TDRD15: variants seen among roughly 807,000 people sequenced by gnomAD.
TDRD15 encodes tudor domain containing 15.
For missense variants in TDRD15, 1,416 were observed against 904.7 expected (o/e 1.57, Z -7.25); for synonymous variants, 503 against 314.5 (o/e 1.60, Z -6.34).
intron 2 of TDRD15, among the ~76,000 whole-genome samples, chr2:21,129,767 A>G: frequency 6.6e-6 from 1 of 152,210 alleles, no homozygotes. Flanking sequence ...ATATTTAAGA[A>G]GCCATTGCCT....
Position 21,142,298 on chromosome 2 carries a change from G to T in TDRD15, c.4831G>T (p.Asp1611Tyr). The change falls in exon 4 of 4, where the codon GAT becomes TAT. Residue 1611 changes from aspartate to tyrosine, a missense_variant. By Grantham distance (160) the Asp-to-Tyr change is radical. Coordinates refer to ENST00000405799, the MANE Select transcript of TDRD15 (RefSeq NM_001306137.2). ...TGATAAAGTACTTGTTTTTTTAGTA[G>T]ATTGTGGTATCTATGAAATAGTACC... The part of the protein sequence containing the change: ...VDDKVLVFLV[D>Y]CGIYEIVPVC... 1 of 688,960 alleles carries T rather than the reference G, an allele frequency of 1.5e-6. No homozygotes were observed. Among genetic ancestry groups the T allele is most frequent in the Admixed American group, 2.4e-5 (1 of 41,638 alleles). 42.7% of individuals were successfully genotyped at this position (688,960 alleles called of 1,614,324 possible).
chr2:21,138,611 G>A lies in TDRD15; in HGVS notation c.1144G>A (p.Val382Met). Reference protein sequence around the residue: ...SIFKQALLGQVVYAHIDWFNK... With the variant: ...SIFKQALLGQMVYAHIDWFNK... ...ATTTAAACAGGCCTTATTAGGACAA[G>A]TGGTATATGCACACATTGATTGGTT... Residue 382 changes from valine to methionine, a missense_variant, in exon 4 of 4, where the codon GTG becomes ATG. Transcript: ENST00000405799. 1.4e-6 allele frequency: 1 copy of A among 713,224 alleles called. No individual in the cohort carries two copies. Among genetic ancestry groups the A allele is most frequent in the South Asian group, 1.5e-5 (1 of 66,810 alleles). 44.2% of individuals were successfully genotyped at this position (713,224 alleles called of 1,614,324 possible).
rs1348723790 is a variant in TDRD15, at chr2:21,141,878, G to A, written c.4411G>A (p.Ala1471Thr). Residue 1471 changes from alanine to threonine, a missense_variant, in exon 4 of 4, where the codon GCA (alanine) becomes ACA (threonine). By Grantham distance (58) the Ala-to-Thr change is moderately conservative. Transcript: ENST00000405799. ...CVINELLKWK[A>T]CSKLQKSALQ... is the part of the protein sequence containing the mutation. ...CATTAATGAACTACTGAAATGGAAAGCATGTTCAAAACTGCAGAAGTCAGC... is the reference window on the plus strand; with the variant it reads ...CATTAATGAACTACTGAAATGGAAAACATGTTCAAAACTGCAGAAGTCAGC... 5 of 715,304 alleles carry A rather than the reference G, an allele frequency of 7.0e-6. No individual in the cohort carries two copies. The East Asian group carries it at 8.1e-5, about 12-fold the overall frequency. The allele number at this position is 715,304 out of a possible 1,614,324, so 44.3% of individuals were successfully genotyped here. A position where few individuals can be genotyped will look rare whatever the true frequency, so the allele number is the denominator to read the frequency against.
At position 21,125,567 on chromosome 2, in the gene TDRD15, T is replaced by C. The variant is rs540202979; in HGVS notation, c.-201+1521T>C. ...CATAAAGAGAGTTAGGGTGTGGAGG[T>C]GTTTTTCCGAAGAAATTTATTTTTG... On this transcript the variant is annotated intron_variant, in intron 1 of 3. Coordinates refer to ENST00000405799, the MANE Select transcript of TDRD15 (RefSeq NM_001306137.2). Among the ~76,000 whole-genome samples the C allele has an allele frequency of 2.7e-4, 41 of 151,920 alleles. 1 individual carries two copies. In the South Asian group the frequency reaches 8.6e-3, roughly 32 times the overall value.
Position 21,138,759 on chromosome 2 carries a change from C to G in TDRD15, c.1292C>G (p.Ser431Cys), listed in dbSNP as rs1039417695. 4.2e-6 allele frequency: 3 copies of G among 715,580 alleles called. No individual in the cohort carries two copies. Among genetic ancestry groups the G allele is most frequent in the Non-Finnish European group, 7.8e-6 (3 of 384,070 alleles). The allele number at this position is 715,580 out of a possible 1,614,324, so 44.3% of individuals were successfully genotyped here. The change falls in exon 4 of 4, where the codon TCC becomes TGC. Residue 431 changes from serine (S) to cysteine (C), a missense_variant. Transcript: ENST00000405799. ...TGTCCGATGTCTGATTCAAAAATCT[C>G]CAATATCTTGAGTGAGACAAGTGTG... Reference protein sequence around the residue: ...VLCPMSDSKISNILSETSVSD... With the variant: ...VLCPMSDSKICNILSETSVSD...
intron 3 of TDRD15, among the ~76,000 whole-genome samples, chr2:21,135,816 T>A (rs1665797049): frequency 6.6e-6 from 1 of 152,002 alleles, no homozygotes; most frequent in South Asian, 2.1e-4. Flanking sequence ...CCTTCTGATG[T>A]GGAATTCCCC....
chr2:21,125,714 C>A (rs1419970830), intron 1 of TDRD15, among the ~76,000 whole-genome samples: 1 of 152,066 alleles, frequency 6.6e-6, no homozygotes, highest in Admixed American at 6.5e-5. Context: ...AGTGAATTAC[C>A]TTTTACCCTC....
Position 21,140,890 on chromosome 2 carries a change from T to G in TDRD15, c.3423T>G (p.Ala1141=), listed in dbSNP as rs1294718415. The change falls in exon 4 of 4, where the codon GCT becomes GCG. Residue 1141 remains alanine, a synonymous_variant. Transcript: ENST00000405799. Reference sequence around the variant, plus strand: ...AGAAAATTAAAGTGTTGCTTCATGCTTATGGAAAAAGACATTGTGACCAAG... The same window carrying G: ...AGAAAATTAAAGTGTTGCTTCATGCGTATGGAAAAAGACATTGTGACCAAG... ...INEKIKVLLH[A]YGKRHCDQAC... The G allele has an allele frequency of 7.1e-6, 5 of 709,086 alleles. No individual in the cohort carries two copies. The highest frequency in any genetic ancestry group is 2.1e-5 in the Admixed American group (1 of 48,294). The allele number at this position is 709,086 out of a possible 1,614,324, so 43.9% of individuals were successfully genotyped here.
rs145331269 is a variant in TDRD15, at chr2:21,124,569, G to C, written c.-201+523G>C. Among the ~76,000 whole-genome samples the C allele has an allele frequency of 5.3e-3, 755 of 142,156 alleles. 6 individuals carry two copies. The highest frequency in any genetic ancestry group is 7.6e-3 in the Non-Finnish European group (498 of 65,638). The allele number at this position is 142,156 out of a possible 152,430, so 93.3% of individuals were successfully genotyped here. A position where few individuals can be genotyped will look rare whatever the true frequency, so the allele number is the denominator to read the frequency against. ...AATGTCAGGTTGTGTGTGTGTGACA[G>C]AGTGATCCTAATGCCAGGGTGTGTG... On this transcript the variant is annotated intron_variant, in intron 1 of 3. Transcript: ENST00000405799.
rs1220530008 is a variant in TDRD15, at chr2:21,137,510, C to A, written c.43C>A (p.Leu15Met). 2.9e-6 allele frequency: 2 copies of A among 679,484 alleles called. No homozygotes were observed. Among genetic ancestry groups the A allele is most frequent in the East Asian group, 2.7e-5 (1 of 36,964 alleles). 42.1% of individuals were successfully genotyped at this position (679,484 alleles called of 1,614,324 possible). A position where few individuals can be genotyped will look rare whatever the true frequency, so the allele number is the denominator to read the frequency against. Residue 15 changes from leucine to methionine, a missense_variant, in exon 4 of 4, where the codon CTG becomes ATG. By Grantham distance (15) the Leu-to-Met change is conservative (BLOSUM62 2). Coordinates refer to ENST00000405799, the MANE Select transcript of TDRD15 (RefSeq NM_001306137.2). The part of the protein sequence containing the change: ...SFLPTFLDVD[L>M]TISHIKCLPK... Reference sequence around the variant, plus strand: ...CTTACCAACATTTTTAGATGTGGATCTGACAATATCACATATTAAATGTCT... The same window carrying A: ...CTTACCAACATTTTTAGATGTGGATATGACAATATCACATATTAAATGTCT...
Position 21,129,687 on chromosome 2 carries a change from GT to G in TDRD15, c.-90+1984del, listed in dbSNP as rs532112566. Among the ~76,000 whole-genome samples the G allele has an allele frequency of 3.1e-3, 477 of 151,924 alleles. 2 individuals are homozygous for G. Among genetic ancestry groups the G allele is most frequent in the Non-Finnish European group, 5.6e-3 (379 of 67,948 alleles). ...TTCTGATGGGTCCTTTGGAGTACAA[GT>G]TTTTTTTAAACTTTGATGGTCCAAT... On this transcript the variant is annotated intron_variant, in intron 2 of 3. Transcript: ENST00000405799.
downstream of TDRD15, among the ~76,000 whole-genome samples, chr2:21,144,571 G>A (rs1238667330): frequency 6.6e-6 from 1 of 151,748 alleles, no homozygotes; most frequent in Non-Finnish European, 1.5e-5. Flanking sequence ...GGTTATGGTA[G>A]CGATAGAAAC....
chr2:21,126,587 A>T (rs963503811), intron 1 of TDRD15, among the ~76,000 whole-genome samples: 2 of 152,060 alleles, frequency 1.3e-5, no homozygotes, highest in African/African-American at 4.8e-5. Context: ...GCTGATCTTG[A>T]ACTCCCGACC....
rs764132665 is a variant in TDRD15 at position 21,139,222 on chromosome 2, A to G, written c.1755A>G (p.Glu585=). ...PFFDVKILLP[E]FCELPALAMC... ...TTGATGTAAAAATTTTGCTTCCAGAATTTTGTGAGTTGCCTGCCTTAGCGA... is the reference window on the plus strand; with the variant it reads ...TTGATGTAAAAATTTTGCTTCCAGAGTTTTGTGAGTTGCCTGCCTTAGCGA... Residue 585 remains glutamate (E), a synonymous_variant, in exon 4 of 4, where the codon GAA becomes GAG. Transcript: ENST00000405799. The G allele has an allele frequency of 1.3e-5, 9 of 715,462 alleles. No individual in the cohort carries two copies. Among genetic ancestry groups the G allele is most frequent in the South Asian group, 5.9e-5 (4 of 67,286 alleles). The allele number at this position is 715,462 out of a possible 1,614,324, so 44.3% of individuals were successfully genotyped here.
At chr2:21,135,057 ATAAT>A (rs1369838125) in intron 3 of TDRD15, among the ~76,000 whole-genome samples, 3 of 145,216 alleles carry the variant, frequency 2.1e-5, no homozygotes, top group African/African-American at 5.0e-5. Context: ...ATATATATAA[ATAAT>A]TATATTTATA....
intron 2 of TDRD15, 79 bp from the exon 3 acceptor site, chr2:21,134,683 T>C (rs1665776231): frequency 6.6e-6 from 1 of 152,034 alleles, no homozygotes. Context: ...AAAAATCTTT[T>C]GCATTTTACA....
chr2:21,142,577 G>A lies in TDRD15; in HGVS notation c.5110G>A (p.Ala1704Thr). 2.8e-6 allele frequency: 2 copies of A among 710,134 alleles called. No homozygotes were observed. Among genetic ancestry groups the A allele is most frequent in the Non-Finnish European group, 5.2e-6 (2 of 382,566 alleles). 44.0% of individuals were successfully genotyped at this position (710,134 alleles called of 1,614,324 possible). ...TGTTGAAGAAAACAAACTTAGACTT[G>A]CAGAAATTGTTTACAACATTGAATC... ...VPVEENKLRL[A>T]EIVYNIESKT... The change falls in exon 4 of 4, where the codon GCA becomes ACA. Residue 1704 changes from alanine (A) to threonine (T), a missense_variant. Coordinates refer to ENST00000405799, the MANE Select transcript of TDRD15 (RefSeq NM_001306137.2).
chr2:21,130,083 T>A (rs1665687844), intron 2 of TDRD15, among the ~76,000 whole-genome samples: 1 of 152,222 alleles, frequency 6.6e-6, no homozygotes. Flanking sequence ...AGTACCCTCC[T>A]GACCTATTCA....
chr2:21,140,472 T>G lies in TDRD15; in HGVS notation c.3005T>G (p.Val1002Gly). 1.4e-6 allele frequency: 1 copy of G among 697,384 alleles called. No homozygotes were observed. The highest frequency in any genetic ancestry group is 2.6e-6 in the Non-Finnish European group (1 of 379,036). The allele number at this position is 697,384 out of a possible 1,614,324, so 43.2% of individuals were successfully genotyped here. The change falls in exon 4 of 4, where the codon GTT becomes GGT. Residue 1002 changes from valine (V) to glycine (G), a missense_variant. Val to Gly is a moderately radical substitution (Grantham distance 109). Coordinates refer to ENST00000405799, the MANE Select transcript of TDRD15 (RefSeq NM_001306137.2). ...ATAGAAACAAAAATCACAGAGAGTG[T>G]TAACCTCCAAAATTTTCCAAAATAT... ...EMIETKITES[V>G]NLQNFPKYDS... is the part of the protein sequence containing the mutation.
Sources: gnomAD v4.1 joint callset for allele counts (sites outside exome capture counted in the v4.1 genomes callset) on GRCh38, gnomAD v4.1.1 for gene constraint, MANE v1.5 for transcripts, NCBI Gene and HGNC (gene_info 2026-07-23, HGNC 2026-07-21) for gene names.